Variants in ANKRD18A observed in about 807,000 individuals in gnomAD.
ANKRD18A encodes ankyrin repeat domain-containing protein 18A.
In ANKRD18A, 72 loss-of-function variants were observed where a neutral mutation model predicts 110.6. The ratio of observed to expected loss-of-function variants is 0.65; its 90% CI spans 0.54 to 0.79. The LOEUF is 0.79. Ranked by LOEUF, ANKRD18A falls within the 30% of genes least tolerant of loss-of-function variation. The pLI is 0.00. For synonymous variants in ANKRD18A, 305 were observed against 410.3 expected (o/e 0.74, Z 3.10); for missense variants, 934 against 1,163.3 (o/e 0.80, Z 2.87).
At chr9:38,579,316 G>A (rs1246154642) in intron 12 of ANKRD18A, among the ~76,000 whole-genome samples, 1 of 152,136 alleles carries the variant, frequency 6.6e-6, no homozygotes, top group East Asian at 1.9e-4. Context: ...AGAAGCATAG[G>A]CAACAAACAA....
chr9:38,618,667 A>G (rs1334060319), intron 1 of ANKRD18A, among the ~76,000 whole-genome samples: 3 of 152,124 alleles, frequency 2.0e-5, no homozygotes, highest in Non-Finnish European at 4.4e-5. Context: ...CATTCTCACA[A>G]ACACTGTGGA....
At chr9:38,608,444 G>A (rs950113999) in intron 5 of ANKRD18A, among the ~76,000 whole-genome samples, 3 of 151,120 alleles carry the variant, frequency 2.0e-5, no homozygotes, top group Non-Finnish European at 2.9e-5. Flanking sequence ...GTAACATCCC[G>A]TGTGCTACTC....
intron 12 of ANKRD18A, among the ~76,000 whole-genome samples, chr9:38,580,912 C>A (rs374512107): frequency 0.016 from 2,390 of 151,974 alleles, 36 homozygotes; most frequent in South Asian, 0.041. Flanking sequence ...ACAAAGACAG[C>A]CTGGGAGTGC....
At chr9:38,619,848 C>A (rs1050677914) in intron 1 of ANKRD18A, among the ~76,000 whole-genome samples, 1 of 152,190 alleles carries the variant, frequency 6.6e-6, no homozygotes, top group South Asian at 2.1e-4. Flanking sequence ...ATGTATATGG[C>A]CCCATGTTTT....
intron 8 of ANKRD18A, among the ~76,000 whole-genome samples, chr9:38,599,287 AGAC>A (rs1825020286): frequency 1.3e-5 from 2 of 152,304 alleles, no homozygotes; most frequent in South Asian, 4.1e-4. Context: ...CCACAGAGTT[AGAC>A]ACTCCAGGTG....
intron 5 of ANKRD18A, among the ~76,000 whole-genome samples, chr9:38,610,071 C>G (rs1672285254): frequency 6.6e-6 from 1 of 152,096 alleles, no homozygotes; most frequent in South Asian, 2.1e-4. Flanking sequence ...CTTTAAAAGT[C>G]CGGAAAGAAT....
At position 38,571,494 on chromosome 9, in the gene ANKRD18A, G is replaced by A. The variant is rs997966449; in HGVS notation, c.*551C>T. 1.8e-4 allele frequency: 125 copies of A among 706,324 alleles called. No homozygotes were observed. Among genetic ancestry groups the A allele is most frequent in the Admixed American group, 6.6e-4 (13 of 19,616 alleles). 43.8% of individuals were successfully genotyped at this position (706,324 alleles called of 1,614,324 possible). On this transcript the variant is annotated 3_prime_UTR_variant, in exon 16 of 16. Coordinates refer to ENST00000399703, the MANE Select transcript of ANKRD18A (RefSeq NM_147195.4). ...ATCCATGAAATGCTAAATCTAGTGG[G>A]TTTTGAGGAGTAACCAGATATTTAC...
chr9:38,572,074 A>C lies in ANKRD18A; in HGVS notation c.2965-15T>G, dbSNP rs1280251607. 1.3e-6 allele frequency: 2 copies of C among 1,563,504 alleles called. No homozygotes were observed. The highest frequency in any genetic ancestry group is 1.7e-6 in the Non-Finnish European group (2 of 1,155,362). On this transcript the variant is annotated splice_polypyrimidine_tract_variant and intron_variant, in intron 15 of 15. Transcript: ENST00000399703. Reference sequence around the variant, plus strand: ...CATAGCAAAACCTGGAAAGAAAAAGAAAGGATTATGTTCTTTACCTAAAAC... The same window carrying C: ...CATAGCAAAACCTGGAAAGAAAAAGCAAGGATTATGTTCTTTACCTAAAAC...
chr9:38,583,756 T>G (rs1464192177), intron 12 of ANKRD18A, among the ~76,000 whole-genome samples: 1 of 152,218 alleles, frequency 6.6e-6, no homozygotes, highest in Non-Finnish European at 1.5e-5. Flanking sequence ...CATGAATGGT[T>G]ACATAAAATG....
At chr9:38,619,818 T>C (rs1406447332) in intron 1 of ANKRD18A, among the ~76,000 whole-genome samples, 1 of 152,210 alleles carries the variant, frequency 6.6e-6, no homozygotes, top group Admixed American at 6.5e-5. Context: ...GAATGAGTTC[T>C]CATTAGGCAC....
intron 12 of ANKRD18A, among the ~76,000 whole-genome samples, chr9:38,579,200 T>C (rs766948977): frequency 1.3e-5 from 2 of 152,176 alleles, no homozygotes; most frequent in African/African-American, 4.8e-5. Flanking sequence ...CAGAATCGAT[T>C]GAAGACTGAA....
Position 38,571,823 on chromosome 9 carries a change from T to C in ANKRD18A, c.*222A>G, listed in dbSNP as rs753520905. On this transcript the variant is annotated 3_prime_UTR_variant, in exon 16 of 16. Coordinates refer to ENST00000399703, the MANE Select transcript of ANKRD18A (RefSeq NM_147195.4). ...AAAAAACATCATTTAAAATAACATA[T>C]AAATATACACCATATGTGACATGAA... is the stretch of plus-strand genomic sequence containing the variant. 5.5e-5 allele frequency: 66 copies of C among 1,193,372 alleles called. No homozygotes were observed. Among genetic ancestry groups the C allele is most frequent in the Non-Finnish European group, 5.5e-5 (53 of 955,746 alleles). 73.9% of individuals were successfully genotyped at this position (1,193,372 alleles called of 1,614,324 possible).
chr9:38,592,051 T>A (rs1200263428), intron 10 of ANKRD18A, among the ~76,000 whole-genome samples: 1 of 152,212 alleles, frequency 6.6e-6, no homozygotes, highest in East Asian at 1.9e-4. Flanking sequence ...TTTGGCTACA[T>A]AGTGAAGGAA....
chr9:38,581,006 G>C (rs1824138902), intron 12 of ANKRD18A, among the ~76,000 whole-genome samples: 1 of 152,232 alleles, frequency 6.6e-6, no homozygotes, highest in African/African-American at 2.4e-5. Flanking sequence ...GGTGAGCAAA[G>C]CTTCAGATGA....
chr9:38,613,237 G>A (rs541488574), intron 3 of ANKRD18A, among the ~76,000 whole-genome samples: 1 of 150,996 alleles, frequency 6.6e-6, no homozygotes, highest in South Asian at 2.1e-4. Flanking sequence ...ACCAAGCAGT[G>A]ATGTGGTTCT....
intron 9 of ANKRD18A, among the ~76,000 whole-genome samples, 180 bp downstream of exon 9, chr9:38,595,306 C>T (rs907719704): frequency 3.9e-5 from 6 of 152,148 alleles, no homozygotes; most frequent in African/African-American, 1.4e-4. Context: ...CCTACACAAA[C>T]ATTAATCATC....
At chr9:38,610,540 C>G in intron 4 of ANKRD18A, 130 bp from the exon 5 acceptor site, 1 of 1,285,726 alleles carries the variant, frequency 7.8e-7, no homozygotes, top group South Asian at 1.6e-5. Flanking sequence ...CATGTACTAG[C>G]TTATGTGTAT....
intron 3 of ANKRD18A, among the ~76,000 whole-genome samples, chr9:38,615,047 T>A (rs1825791707): frequency 6.6e-6 from 1 of 152,224 alleles, no homozygotes; most frequent in East Asian, 1.9e-4. Context: ...TTTGTCTCAA[T>A]ACATAAACTG....
Position 38,610,347 on chromosome 9 carries a change from T to C in ANKRD18A, c.666A>G (p.Gln222=), listed in dbSNP as rs1048996693. 5.8e-6 allele frequency: 9 copies of C among 1,551,256 alleles called. No homozygotes were observed. In the African/African-American group the frequency reaches 6.8e-5, roughly 12 times the overall value. ...LSSIVTLLLQ[Q]NIRISSQDMF... ...TGTCTTGAGAAGAGATACGTATATT[T>C]TGTTGAAGCAGGAGGGTGACGATAC... is the stretch of plus-strand genomic sequence containing the variant. Residue 222 remains glutamine (Q), a synonymous_variant, in exon 5 of 16, where the codon CAA becomes CAG. Coordinates refer to ENST00000399703, the MANE Select transcript of ANKRD18A (RefSeq NM_147195.4).
Sources: allele counts gnomAD v4.1 joint callset (sites outside exome capture counted in the v4.1 genomes callset), GRCh38; gene constraint gnomAD v4.1.1; transcripts MANE v1.5; gene names NCBI Gene and HGNC (gene_info 2026-07-23, HGNC 2026-07-21).